DNAH7: variants seen among roughly 807,000 people sequenced by gnomAD.
DNAH7 encodes the protein axonemal beta dynein heavy chain 7.
DNAH7 carries 397 observed loss-of-function variants against 444.6 expected under a neutral mutation model. The ratio of observed to expected loss-of-function variants is 0.89; its 90% CI spans 0.82 to 0.97. The LOEUF is 0.97. DNAH7 is among the 50% of genes least tolerant of loss of function. The pLI is 0.00. For missense variants in DNAH7, 4,902 were observed against 4,800.8 expected (o/e 1.02, Z -0.62); for synonymous variants, 1,636 against 1,624.4 (o/e 1.01, Z -0.17).
chr2:196,040,623 A>G (rs576049685), intron 5 of DNAH7, among the ~76,000 whole-genome samples: 1 of 152,286 alleles, frequency 6.6e-6, no homozygotes, highest in East Asian at 1.9e-4. Context: ...ATCATACTAA[A>G]TGGGGATAAA....
At chr2:196,020,586 G>A (rs1313981888) in intron 8 of DNAH7, among the ~76,000 whole-genome samples, 1 of 151,210 alleles carries the variant, frequency 6.6e-6, no homozygotes, top group African/African-American at 2.4e-5. Flanking sequence ...GTGTGTGTGT[G>A]GAATGGGGAA....
intron 63 of DNAH7, among the ~76,000 whole-genome samples, chr2:195,750,499 ATACT>A (rs1285360520): frequency 2.0e-5 from 3 of 152,246 alleles, no homozygotes; most frequent in African/African-American, 7.2e-5. Context: ...TCTGAATTAA[ATACT>A]TAAGAATTAA....
intron 63 of DNAH7, among the ~76,000 whole-genome samples, chr2:195,742,514 T>C (rs1461297971): frequency 1.3e-5 from 2 of 152,220 alleles, no homozygotes; most frequent in Admixed American, 6.5e-5. Context: ...AACCCATCAA[T>C]TGTATAGGAG....
At chr2:195,899,838 T>G (rs1056092179) in intron 28 of DNAH7, among the ~76,000 whole-genome samples, 5 of 152,232 alleles carry the variant, frequency 3.3e-5, no homozygotes, top group Non-Finnish European at 7.3e-5. Context: ...AGTTATAATT[T>G]AGACCATTTT....
At chr2:195,917,887 T>C (rs1424970507) in intron 24 of DNAH7, among the ~76,000 whole-genome samples, 1 of 152,166 alleles carries the variant, frequency 6.6e-6, no homozygotes, top group Non-Finnish European at 1.5e-5. Context: ...CAGGCTGGTC[T>C]TGAATTCTTG....
chr2:195,809,664 T>C (rs1416334490), intron 52 of DNAH7, 81 bp downstream of exon 52: 2 of 1,239,838 alleles, frequency 1.6e-6, no homozygotes, highest in Admixed American at 3.0e-5. Flanking sequence ...AATCTTTTTA[T>C]ATATATTCCC....
chr2:195,755,229 G>T (rs915253381), intron 62 of DNAH7, among the ~76,000 whole-genome samples: 2 of 152,138 alleles, frequency 1.3e-5, no homozygotes, highest in African/African-American at 4.8e-5. Context: ...TGCTTTGGAA[G>T]TTTTTCTTCC....
chr2:195,828,575 A>T (rs1255837138), intron 48 of DNAH7, among the ~76,000 whole-genome samples: 2 of 148,318 alleles, frequency 1.3e-5, no homozygotes, highest in African/African-American at 5.0e-5. Context: ...ACAGAGCAAG[A>T]CTCCATCTCA....
At chr2:195,781,976 TACACACACACACAC>T (rs59244207) in intron 58 of DNAH7, among the ~76,000 whole-genome samples, 40 of 129,834 alleles carry the variant, frequency 3.1e-4, no homozygotes, top group African/African-American at 9.0e-4. Context: ...GTGGGTCTTA[TACACACACACACAC>T]ACACACACAC....
At chr2:195,858,265 G>A (rs1210577479) in intron 43 of DNAH7, among the ~76,000 whole-genome samples, 3 of 152,168 alleles carry the variant, frequency 2.0e-5, no homozygotes, top group Non-Finnish European at 2.9e-5. Context: ...ACATCTGGCC[G>A]CTTTCTTCCA....
rs147463217 is a variant in DNAH7 at position 195,853,370 on chromosome 2, G to A, written c.8754C>T (p.Leu2918=). Residue 2918 remains leucine, a synonymous_variant, in exon 46 of 65, where the codon CTC becomes CTT. Coordinates refer to ENST00000312428, the MANE Select transcript of DNAH7 (RefSeq NM_018897.3). The stretch of plus-strand genomic sequence containing the variant: ...GTCTATAGGTGGATGTGAAGGCTCC[G>A]AGGTAAGCAACCACTCCGGAGGAAA... ...ILISSGVVAY[L]GAFTSTYRQN... 14,456 of 1,613,970 alleles carry A rather than the reference G, an allele frequency of 9.0e-3. 84 individuals carry two copies. The highest frequency in any genetic ancestry group is 0.011 in the Non-Finnish European group (13,211 of 1,179,954).
chr2:196,037,797 G>A (rs914995093), intron 5 of DNAH7, among the ~76,000 whole-genome samples: 3 of 152,022 alleles, frequency 2.0e-5, no homozygotes, highest in African/African-American at 4.8e-5. Flanking sequence ...GAAAAGATGG[G>A]GAAAAGCATA....
chr2:195,938,203 A>G (rs1689179574), intron 19 of DNAH7, among the ~76,000 whole-genome samples: 1 of 152,118 alleles, frequency 6.6e-6, no homozygotes. Flanking sequence ...TAATCAAAGA[A>G]AATAATTATC....
At chr2:195,838,661 T>C (rs1698512155) in intron 47 of DNAH7, among the ~76,000 whole-genome samples, 1 of 151,952 alleles carries the variant, frequency 6.6e-6, no homozygotes, top group Non-Finnish European at 1.5e-5. Context: ...TGGATAAAAC[T>C]ATACGATCCA....
At chr2:195,980,515 G>C (rs906573516) in intron 15 of DNAH7, among the ~76,000 whole-genome samples, 2 of 152,146 alleles carry the variant, frequency 1.3e-5, no homozygotes, top group Non-Finnish European at 2.9e-5. Context: ...TATGAGGCCA[G>C]TATTACTCTG....
chr2:195,883,028 C>T (rs341951), intron 35 of DNAH7, among the ~76,000 whole-genome samples: 1 of 152,006 alleles, frequency 6.6e-6, no homozygotes, highest in Non-Finnish European at 1.5e-5. Flanking sequence ...ATTCACATCA[C>T]TCTGAAAATT....
At chr2:195,766,167 ATTTTTTTTT>A (rs755912873) in intron 61 of DNAH7, among the ~76,000 whole-genome samples, 2 of 57,328 alleles carry the variant, frequency 3.5e-5, no homozygotes, top group Non-Finnish European at 7.4e-5. Context: ...GTGGGAGCTA[ATTTTTTTTT>A]TTTTTTTTTT....
Position 195,873,642 on chromosome 2 carries a change from TATA to T in DNAH7, c.6336_6338del (p.Ile2113del). The T allele has an allele frequency of 6.5e-7, 1 of 1,533,744 alleles. No individual in the cohort carries two copies. Among genetic ancestry groups the T allele is most frequent in the Non-Finnish European group, 8.7e-7 (1 of 1,145,388 alleles). ...ATTTATCACTAAACTCATTGATTGT[TATA>T]ATATTGAAATGTCGCATGTATCGAG... On this transcript the variant is annotated inframe_deletion, in exon 39 of 65. Transcript: ENST00000312428.
intron 41 of DNAH7, 93 bp from the exon 42 acceptor site, chr2:195,862,039 G>T: frequency 1.1e-6 from 1 of 952,064 alleles, no homozygotes; most frequent in Non-Finnish European, 1.6e-6. Flanking sequence ...GATGTTGGGG[G>T]TGAAGGGGAA....
Sources: gnomAD v4.1 joint callset for allele counts (sites outside exome capture counted in the v4.1 genomes callset) on GRCh38, gnomAD v4.1.1 for gene constraint, MANE v1.5 for transcripts, NCBI Gene and HGNC (gene_info 2026-07-23, HGNC 2026-07-21) for gene names.